The following PRKD3 variants were observed in gnomAD, a reference collection of about 807,000 sequenced individuals.
PRKD3 encodes the protein protein kinase D3.
In PRKD3, 47 loss-of-function variants were observed where a neutral mutation model predicts 99.2. The ratio of observed to expected loss-of-function variants is 0.47; its 90% CI spans 0.38 to 0.60. The LOEUF (loss-of-function observed/expected upper bound fraction) is 0.60, where lower values mean the gene tolerates loss of function less well. Ranked by LOEUF, PRKD3 falls within the 20% of genes least tolerant of loss-of-function variation. The probability of loss-of-function intolerance (pLI) is 0.00; values close to 1 mark genes in which losing one functional copy is unlikely to be tolerated. For missense variants in PRKD3, 1,019 were observed against 1,088.4 expected (o/e 0.94, Z 0.90); for synonymous variants, 392 against 355.4 (o/e 1.10, Z -1.16).
rs547255814 is a variant in PRKD3 at position 37,308,496 on chromosome 2, C to T, written c.288+7741G>A. Among the ~76,000 whole-genome samples, 6 of 152,098 alleles carry T rather than the reference C, an allele frequency of 3.9e-5. No individual in the cohort carries two copies. In the South Asian group the frequency reaches 1.2e-3, roughly 32 times the overall value. On this transcript the variant is annotated intron_variant, in intron 2 of 18. Coordinates refer to ENST00000234179, the MANE Select transcript of PRKD3 (RefSeq NM_005813.6). ...CTGCAGTGAAGTGGCGCAATCTCAG[C>T]TCACTGCAACCTCTGCCACCACCCA...
intron 8 of PRKD3, chr2:37,279,261 T>C (rs1669723899): frequency 6.6e-6 from 1 of 152,284 alleles, no homozygotes; most frequent in African/African-American, 2.4e-5. Flanking sequence ...CTAATAGTAT[T>C]TTTACAAAAT....
chr2:37,273,286 A>C (rs1175985126), intron 11 of PRKD3, among the ~76,000 whole-genome samples: 1 of 152,098 alleles, frequency 6.6e-6, no homozygotes, highest in Non-Finnish European at 1.5e-5. Flanking sequence ...TCTGTCTAAA[A>C]ACCTCGAAAA....
intron 8 of PRKD3, 23 bp downstream of exon 8, chr2:37,279,723 C>T: frequency 6.4e-7 from 1 of 1,560,086 alleles, no homozygotes; most frequent in Non-Finnish European, 8.7e-7. Context: ...CTGGAAGTAG[C>T]TTGTAATATG....
Position 37,267,800 on chromosome 2 carries a change from C to T in PRKD3, c.1778-264G>A, listed in dbSNP as rs919538497. 1.9e-5 allele frequency: 7 copies of T among 368,130 alleles called. No individual in the cohort carries two copies. In the South Asian group the frequency reaches 2.3e-4, roughly 12 times the overall value. The allele number at this position is 368,130 out of a possible 1,614,324, so 22.8% of individuals were successfully genotyped here. ...AACTTGTTGCTGAAAAGTAATCTAC[C>T]TTGTTAAATCAATGATAGTTAATTA... is the stretch of plus-strand genomic sequence containing the variant. On this transcript the variant is annotated intron_variant, in intron 13 of 18. Transcript: ENST00000234179.
intron 3 of PRKD3, among the ~76,000 whole-genome samples, chr2:37,292,167 C>A (rs1411385875): frequency 6.6e-6 from 1 of 151,988 alleles, no homozygotes. Context: ...TTTTCTAAAC[C>A]CCAATTTTCT....
At chr2:37,300,314 T>C (rs947287880) in intron 2 of PRKD3, among the ~76,000 whole-genome samples, 13 of 151,424 alleles carry the variant, frequency 8.6e-5, no homozygotes, top group Non-Finnish European at 2.9e-5. Context: ...ATGTGAAAAA[T>C]TTAAAAAAAA....
chr2:37,267,598 CCA>C, intron 13 of PRKD3, 62 bp from the exon 14 acceptor site: 1 of 1,202,248 alleles, frequency 8.3e-7, no homozygotes, highest in Non-Finnish European at 1.2e-6. Context: ...AGGGAGTTGT[CCA>C]CAGACTGAAA....
At chr2:37,254,391 G>A in intron 17 of PRKD3, 102 bp from the exon 18 acceptor site, 1 of 839,054 alleles carries the variant, frequency 1.2e-6, no homozygotes, top group Non-Finnish European at 2.0e-6. Flanking sequence ...ATACAGGGTT[G>A]AGGAATTTTT....
At chr2:37,296,042 C>T (rs1021754662) in intron 2 of PRKD3, among the ~76,000 whole-genome samples, 2 of 151,556 alleles carry the variant, frequency 1.3e-5, no homozygotes, top group East Asian at 3.9e-4. Context: ...CCAGAAACTA[C>T]AGCAAGTAAA....
rs771271432 is a variant in PRKD3 at position 37,272,367 on chromosome 2, A to G, written c.1704+13T>C. The G allele has an allele frequency of 1.2e-6, 2 of 1,604,028 alleles. No individual in the cohort carries two copies. The highest frequency in any genetic ancestry group is 2.2e-5 in the East Asian group (1 of 44,692). ...ATCACCCAGTTTACACATTAGCTATAACGATTACTTACCACATTCTCCTGA... is the reference window on the plus strand; with the variant it reads ...ATCACCCAGTTTACACATTAGCTATGACGATTACTTACCACATTCTCCTGA... On this transcript the variant is annotated intron_variant, in intron 12 of 18. Coordinates refer to ENST00000234179, the MANE Select transcript of PRKD3 (RefSeq NM_005813.6).
chr2:37,260,194 A>G (rs751992970), intron 15 of PRKD3, 29 bp downstream of exon 15: 1 of 1,555,658 alleles, frequency 6.4e-7, no homozygotes, highest in South Asian at 1.2e-5. Context: ...TTTAATCGCT[A>G]GTTTAAAAAA....
chr2:37,299,561 A>C (rs1670826723), intron 2 of PRKD3, among the ~76,000 whole-genome samples: 1 of 133,416 alleles, frequency 7.5e-6, no homozygotes, highest in Middle Eastern at 3.9e-3. Context: ...CACACACACA[A>C]GCTTCTGCAA....
At chr2:37,293,815 C>G (rs185569465) in intron 2 of PRKD3, among the ~76,000 whole-genome samples, 1 of 152,188 alleles carries the variant, frequency 6.6e-6, no homozygotes, top group African/African-American at 2.4e-5. Context: ...CTGCTGATAT[C>G]GTTTACCTAT....
rs750146050 is a variant in PRKD3, at chr2:37,272,397, G to T, written c.1687C>A (p.Gln563Lys). 2 of 1,606,272 alleles carry T rather than the reference G, an allele frequency of 1.2e-6. No homozygotes were observed. Among genetic ancestry groups the T allele is most frequent in the Non-Finnish European group, 1.7e-6 (2 of 1,177,632 alleles). Residue 563 changes from glutamine (Q) to lysine (K), a missense_variant, in exon 12 of 19, where the codon CAG (glutamine) becomes AAG (lysine). By Grantham distance (53) the Gln-to-Lys change is moderately conservative. Transcript: ENST00000234179. Reference protein sequence around the residue: ...LSTSISVSNCQIQENVDISTV... With the variant: ...LSTSISVSNCKIQENVDISTV... ...TTACTTACCACATTCTCCTGAATCT[G>T]ACAATTAGATACAGAGATACTTGTA...
chr2:37,302,799 G>A (rs945197674), intron 2 of PRKD3, among the ~76,000 whole-genome samples: 57 of 151,778 alleles, frequency 3.8e-4, no homozygotes, highest in African/African-American at 1.3e-3. Context: ...CAATCATTCT[G>A]CCTCAAGCCT....
chr2:37,275,171 T>C (rs185541292), intron 10 of PRKD3, among the ~76,000 whole-genome samples: 4 of 150,692 alleles, frequency 2.7e-5, no homozygotes, highest in Non-Finnish European at 1.5e-5. Flanking sequence ...TCATTATATT[T>C]TTAGTCCACT....
At chr2:37,289,310 C>T in intron 5 of PRKD3, 46 bp downstream of exon 5, 1 of 1,589,990 alleles carries the variant, frequency 6.3e-7, no homozygotes, top group Non-Finnish European at 8.6e-7. Context: ...TGTAGAAACA[C>T]AGAGAATAAC....
At chr2:37,283,839 A>T (rs1202635659) in intron 6 of PRKD3, among the ~76,000 whole-genome samples, 1 of 151,130 alleles carries the variant, frequency 6.6e-6, no homozygotes, top group Non-Finnish European at 1.5e-5. Flanking sequence ...AAATACAAAA[A>T]TAAGCTGGGT....
intron 6 of PRKD3, 67 bp from the exon 7 acceptor site, chr2:37,282,686 T>G (rs1019324279): frequency 9.3e-7 from 1 of 1,072,502 alleles, no homozygotes; most frequent in African/African-American, 1.6e-5. Flanking sequence ...TGGTTAGACT[T>G]TCTTTAAATC....
Sources: allele counts gnomAD v4.1 joint callset (sites outside exome capture counted in the v4.1 genomes callset), GRCh38; gene constraint gnomAD v4.1.1; transcripts MANE v1.5; gene names NCBI Gene and HGNC (gene_info 2026-07-23, HGNC 2026-07-21).